Variants in MYL12B observed in about 807,000 individuals in gnomAD.
MYL12B encodes myosin regulatory light chain 12B.
Under a neutral mutation model 12.9 loss-of-function variants are expected in MYL12B, and 3 were observed. That is an observed-to-expected ratio of 0.23 (90% CI 0.11 to 0.60). The LOEUF is 0.60. MYL12B is among the 20% of genes least tolerant of loss of function. The probability of loss-of-function intolerance (pLI) is 0.89; values close to 1 mark genes in which losing one functional copy is unlikely to be tolerated. For missense variants in MYL12B, 120 were observed against 215.4 expected (o/e 0.56, Z 2.77); for synonymous variants, 57 against 71.9 (o/e 0.79, Z 1.05).
intron 1 of MYL12B, among the ~76,000 whole-genome samples, chr18:3,270,794 A>T (rs905664233): frequency 6.6e-6 from 1 of 152,064 alleles, no homozygotes; most frequent in Non-Finnish European, 1.5e-5. Flanking sequence ...CAGCCTCCCA[A>T]ATAGTAGCTG....
At chr18:3,276,743 A>G (rs2081734713) in intron 2 of MYL12B, among the ~76,000 whole-genome samples, 1 of 152,140 alleles carries the variant, frequency 6.6e-6, no homozygotes. Flanking sequence ...TGTTATCAAC[A>G]TTCAGGATGT....
At chr18:3,263,149 C>T (rs1208056840) in intron 1 of MYL12B, 1 of 152,136 alleles carries the variant, frequency 6.6e-6, no homozygotes, top group Non-Finnish European at 1.5e-5. Context: ...GTAAGTAGGA[C>T]CTTCTTATGG....
rs868315674 is a variant in MYL12B at position 3,272,818 on chromosome 18, A to G, written c.-15-66A>G. Reference sequence around the variant, plus strand: ...TACCTACAGACTTTAGGTATTATGTATTCTGTTTTTGCTTTGTTTTATACA... The same window carrying G: ...TACCTACAGACTTTAGGTATTATGTGTTCTGTTTTTGCTTTGTTTTATACA... On this transcript the variant is annotated intron_variant, in intron 1 of 3. Transcript: ENST00000237500. 2.5e-5 allele frequency: 34 copies of G among 1,364,500 alleles called. No homozygotes were observed. In the Middle Eastern group the frequency reaches 3.7e-3, roughly 147 times the overall value. The allele number at this position is 1,364,500 out of a possible 1,614,324, so 84.5% of individuals were successfully genotyped here.
At chr18:3,262,297 GC>G in intron 1 of MYL12B, 60 bp downstream of exon 1, 1 of 151,852 alleles carries the variant, frequency 6.6e-6, no homozygotes, top group Non-Finnish European at 1.5e-5. Context: ...GTACCCCCGC[GC>G]CCCCTCCCGT....
At chr18:3,268,118 AG>A (rs1407402298) in intron 1 of MYL12B, among the ~76,000 whole-genome samples, 2 of 152,232 alleles carry the variant, frequency 1.3e-5, no homozygotes, top group African/African-American at 4.8e-5. Flanking sequence ...CCCTGGTTTC[AG>A]GCATCCACTG....
At chr18:3,272,006 A>G (rs1253773952) in intron 1 of MYL12B, 8 of 952,278 alleles carry the variant, frequency 8.4e-6, no homozygotes, top group Non-Finnish European at 1.0e-5. Flanking sequence ...ACTGGGCAAT[A>G]TAGTGAGAAA....
At chr18:3,274,531 C>T (rs2081712731) in intron 2 of MYL12B, among the ~76,000 whole-genome samples, 1 of 151,840 alleles carries the variant, frequency 6.6e-6, no homozygotes, top group African/African-American at 2.4e-5. Flanking sequence ...GATTTATAGA[C>T]AAAAAAAGGG....
chr18:3,277,616 A>G (rs1461930969), intron 3 of MYL12B, 149 bp from the exon 4 acceptor site: 25 of 1,238,528 alleles, frequency 2.0e-5, no homozygotes, highest in Non-Finnish European at 2.5e-5. Flanking sequence ...ACATAATGAT[A>G]TAGTTCATAT....
chr18:3,269,334 A>G (rs2081658841), intron 1 of MYL12B, among the ~76,000 whole-genome samples: 1 of 152,166 alleles, frequency 6.6e-6, no homozygotes, highest in East Asian at 1.9e-4. Context: ...GAGGCCATAG[A>G]GATATTTTAC....
At chr18:3,265,405 TTC>T (rs1327407318) in intron 1 of MYL12B, among the ~76,000 whole-genome samples, 3 of 152,210 alleles carry the variant, frequency 2.0e-5, no homozygotes, top group Admixed American at 6.5e-5. Context: ...TTTCTAAAGA[TTC>T]TGATAGACCT....
At chr18:3,265,757 A>G (rs924100714) in intron 1 of MYL12B, among the ~76,000 whole-genome samples, 1 of 152,210 alleles carries the variant, frequency 6.6e-6, no homozygotes, top group African/African-American at 2.4e-5. Flanking sequence ...AAGCAGGAAT[A>G]ACTAGCAAAT....
chr18:3,274,097 G>A (rs1276327660), intron 2 of MYL12B, among the ~76,000 whole-genome samples: 2 of 151,978 alleles, frequency 1.3e-5, no homozygotes, highest in Non-Finnish European at 2.9e-5. Flanking sequence ...CTTTATCTAG[G>A]GTGAGAGTAG....
In MYL12B at chr18:3,265,187, A is replaced by AT. The variant is rs549466887; in HGVS notation, c.-16+2957dup. Among the ~76,000 whole-genome samples, 7 of 152,258 alleles carry AT rather than the reference A, an allele frequency of 4.6e-5. No individual in the cohort carries two copies. The East Asian group carries it at 7.7e-4, about 17-fold the overall frequency. ...AATACTTCTAATAATTTATGGAACTATTTTTTTGCCTAAATATGCAGCACA... is the reference window on the plus strand; with the variant it reads ...AATACTTCTAATAATTTATGGAACTATTTTTTTTGCCTAAATATGCAGCACA... On this transcript the variant is annotated intron_variant, in intron 1 of 3. Transcript: ENST00000237500.
At chr18:3,276,960 C>T (rs1047488436) in intron 2 of MYL12B, 2 of 982,462 alleles carry the variant, frequency 2.0e-6, no homozygotes, top group African/African-American at 1.8e-5. Context: ...AATAATGTGG[C>T]ACTGCCTGGC....
chr18:3,277,803 A>G lies in MYL12B; in HGVS notation c.385A>G (p.Thr129Ala), dbSNP rs780643023. 2 of 1,613,872 alleles carry G rather than the reference A, an allele frequency of 1.2e-6. No homozygotes were observed. Among genetic ancestry groups the G allele is most frequent in the Admixed American group, 1.7e-5 (1 of 59,936 alleles). ...QEDYLRELLTTMGDRFTDEEV... is the reference protein window; with the variant it reads ...QEDYLRELLTAMGDRFTDEEV... Reference sequence around the variant, plus strand: ...AGATTACCTAAGAGAGCTGCTGACAACCATGGGGGATCGGTTTACAGATGA... The same window carrying G: ...AGATTACCTAAGAGAGCTGCTGACAGCCATGGGGGATCGGTTTACAGATGA... The change falls in exon 4 of 4, where the codon ACC becomes GCC. Residue 129 changes from threonine (T) to alanine (A), a missense_variant. Physicochemically the swap from Thr to Ala is moderately conservative, Grantham distance 58. Coordinates refer to ENST00000237500, the MANE Select transcript of MYL12B (RefSeq NM_033546.4).
intron 1 of MYL12B, 50 bp from the exon 2 acceptor site, chr18:3,272,832 TTG>T (rs2081692251): frequency 1.4e-6 from 2 of 1,434,250 alleles, no homozygotes; most frequent in African/African-American, 2.8e-5. Flanking sequence ...TGTTTTTGCT[TTG>T]TTTTATACAT....
chr18:3,276,664 A>G (rs2081733991), intron 2 of MYL12B: 1 of 635,332 alleles, frequency 1.6e-6, no homozygotes, highest in Non-Finnish European at 2.0e-6. Context: ...CTGTACCACA[A>G]CTGGAAGTGT....
At chr18:3,273,248 G>A (rs932002027) in intron 2 of MYL12B, among the ~76,000 whole-genome samples, 166 bp downstream of exon 2, 1 of 152,114 alleles carries the variant, frequency 6.6e-6, no homozygotes, top group African/African-American at 2.4e-5. Flanking sequence ...CAGTCATATG[G>A]AGATAAGCCT....
At chr18:3,274,783 G>A (rs148063604) in intron 2 of MYL12B, among the ~76,000 whole-genome samples, 46 of 152,264 alleles carry the variant, frequency 3.0e-4, no homozygotes, top group Non-Finnish European at 6.0e-4. Context: ...GTAGAAGTAC[G>A]GAGTCTTTCT....
Sources: allele counts gnomAD v4.1 joint callset (sites outside exome capture counted in the v4.1 genomes callset), GRCh38; gene constraint gnomAD v4.1.1; transcripts MANE v1.5; gene names NCBI Gene and HGNC (gene_info 2026-07-23, HGNC 2026-07-21).